FARP2: variants seen among roughly 807,000 people sequenced by gnomAD.
FARP2 encodes FERM, ARHGEF and pleckstrin domain-containing protein 2.
In FARP2, 111 loss-of-function variants were observed where a neutral mutation model predicts 130.5. The ratio of observed to expected loss-of-function variants is 0.85; its 90% CI spans 0.73 to 1.00. FARP2 has a LOEUF of 1.00. Among genes scored for constraint, FARP2 ranks in the 50% least tolerant of loss-of-function variants. The probability of loss-of-function intolerance (pLI) is 0.00; values close to 1 mark genes in which losing one functional copy is unlikely to be tolerated. For missense variants in FARP2, 1,385 were observed against 1,346.3 expected (o/e 1.03, Z -0.45); for synonymous variants, 504 against 516.9 (o/e 0.98, Z 0.34).
intron 19 of FARP2, among the ~76,000 whole-genome samples, chr2:241,483,164 C>G (rs1467946227): frequency 6.6e-6 from 1 of 152,230 alleles, no homozygotes; most frequent in Non-Finnish European, 1.5e-5. Flanking sequence ...TTCTCCTCAG[C>G]AAGAACAATA....
At chr2:241,438,148 C>A (rs2063291510) in intron 12 of FARP2, among the ~76,000 whole-genome samples, 1 of 152,180 alleles carries the variant, frequency 6.6e-6, no homozygotes, top group Admixed American at 6.5e-5. Flanking sequence ...ATAACTCTTT[C>A]TTCATGGTGC....
chr2:241,427,745 T>C (rs1056988129), intron 8 of FARP2, among the ~76,000 whole-genome samples: 3 of 152,094 alleles, frequency 2.0e-5, no homozygotes, highest in African/African-American at 7.2e-5. Context: ...CTTCATCTCT[T>C]ACCTCCGTGG....
intron 12 of FARP2, 110 bp from the exon 13 acceptor site, chr2:241,441,194 C>T: frequency 1.1e-6 from 1 of 940,590 alleles, no homozygotes; most frequent in South Asian, 1.7e-5. Context: ...TTCATGAAAG[C>T]TGTGATAGAA....
rs139228510 is a variant in FARP2, at chr2:241,428,202, G to T, written c.772-3477G>T. The stretch of plus-strand genomic sequence containing the variant: ...GAATACAATTTAGGACAGAAATTTT[G>T]AGAATGTAGTTGAAAATCCTCCAAT... On this transcript the variant is annotated intron_variant, in intron 8 of 26. Coordinates refer to ENST00000264042, the MANE Select transcript of FARP2 (RefSeq NM_014808.4). 0.012 allele frequency among the ~76,000 whole-genome samples: 1,776 copies of T among 150,714 alleles called. 125 individuals are homozygous for T. In the East Asian group the frequency reaches 0.17, roughly 14 times the overall value.
intron 4 of FARP2, chr2:241,405,403 G>A (rs2062306556): frequency 6.6e-6 from 1 of 151,984 alleles, no homozygotes. Flanking sequence ...TTAAACTAAG[G>A]CATGTAGTAG....
At chr2:241,359,890 G>T (rs1462897316) in intron 1 of FARP2, among the ~76,000 whole-genome samples, 1 of 152,172 alleles carries the variant, frequency 6.6e-6, no homozygotes, top group Non-Finnish European at 1.5e-5. Context: ...GATGACATAA[G>T]CGAAGGGCTT....
chr2:241,356,967 G>C (rs1254657797), intron 1 of FARP2, among the ~76,000 whole-genome samples: 1 of 152,274 alleles, frequency 6.6e-6, no homozygotes, highest in Non-Finnish European at 1.5e-5. Flanking sequence ...TCATAAGCCA[G>C]TGGGTAGCCT....
intron 5 of FARP2, 139 bp from the exon 6 acceptor site, chr2:241,410,894 G>A: frequency 1.6e-6 from 1 of 612,986 alleles, no homozygotes; most frequent in Non-Finnish European, 2.9e-6. Context: ...GCTGTTTCGT[G>A]ACCGCCTTGC....
At chr2:241,406,038 T>C (rs1308156693) in intron 4 of FARP2, among the ~76,000 whole-genome samples, 4 of 152,098 alleles carry the variant, frequency 2.6e-5, no homozygotes, top group African/African-American at 7.2e-5. Context: ...GCACGGTGGC[T>C]CACGCCTGTA....
At chr2:241,457,897 C>T (rs1559790809) in intron 14 of FARP2, among the ~76,000 whole-genome samples, 2 of 152,116 alleles carry the variant, frequency 1.3e-5, no homozygotes, top group Non-Finnish European at 2.9e-5. Flanking sequence ...GCTGTTGTGG[C>T]ACGGGGAGGG....
chr2:241,387,963 C>G (rs2061827171), intron 2 of FARP2, among the ~76,000 whole-genome samples: 1 of 152,032 alleles, frequency 6.6e-6, no homozygotes, highest in Non-Finnish European at 1.5e-5. Flanking sequence ...GTTCATGGAT[C>G]AGAATACTTA....
chr2:241,407,932 C>T (rs1347686720), intron 5 of FARP2, among the ~76,000 whole-genome samples: 2 of 152,178 alleles, frequency 1.3e-5, no homozygotes, highest in African/African-American at 2.4e-5. Flanking sequence ...GGATTTTGCT[C>T]ATATATACTT....
Position 241,377,813 on chromosome 2 carries a change from G to A in FARP2, c.183+4523G>A, listed in dbSNP as rs73116363. ...TTTTTATCCTTTTTGATCATCAGGTGGATTTATCAAATCTGTGGATGCCAA... is the reference window on the plus strand; with the variant it reads ...TTTTTATCCTTTTTGATCATCAGGTAGATTTATCAAATCTGTGGATGCCAA... On this transcript the variant is annotated intron_variant, in intron 2 of 26. Transcript: ENST00000264042. Among the ~76,000 whole-genome samples the A allele has an allele frequency of 1.4e-3, 215 of 151,954 alleles. 1 individual carries two copies. Among genetic ancestry groups the A allele is most frequent in the African/African-American group, 5.0e-3 (207 of 41,440 alleles).
At chr2:241,423,417 A>G (rs548835865) in intron 8 of FARP2, among the ~76,000 whole-genome samples, 1 of 152,212 alleles carries the variant, frequency 6.6e-6, no homozygotes, top group Non-Finnish European at 1.5e-5. Context: ...GTGCTTAGGG[A>G]ATTCATCACC....
rs190439289 is a variant in FARP2 at position 241,476,061 on chromosome 2, A to G, written c.2262+74A>G. On this transcript the variant is annotated intron_variant, in intron 19 of 26. Transcript: ENST00000264042. ...AATTGAGATATAATTTACATACCAC[A>G]AAAGTCACCATTTTAAAATGTATAA... 8.6e-6 allele frequency: 12 copies of G among 1,398,924 alleles called. No homozygotes were observed. In the East Asian group the frequency reaches 2.1e-4, roughly 24 times the overall value. The allele number at this position is 1,398,924 out of a possible 1,614,324, so 86.7% of individuals were successfully genotyped here. A position where few individuals can be genotyped will look rare whatever the true frequency, so the allele number is the denominator to read the frequency against.
intron 13 of FARP2, among the ~76,000 whole-genome samples, chr2:241,453,352 G>A (rs370394720): frequency 6.6e-6 from 1 of 151,538 alleles, no homozygotes; most frequent in African/African-American, 2.4e-5. Context: ...GCTGGGCGCG[G>A]TGGCTCATGC....
intron 15 of FARP2, 50 bp downstream of exon 15, chr2:241,462,662 T>C: frequency 1.7e-6 from 2 of 1,169,698 alleles, no homozygotes; most frequent in Admixed American, 1.8e-5. Context: ...AAATCTCTCA[T>C]CTGAACACAG....
rs749894538 is a variant in FARP2 at position 241,462,617 on chromosome 2, G to C, written c.1677+5G>C. The C allele has an allele frequency of 4.5e-5, 70 of 1,559,924 alleles. 1 individual carries two copies. The South Asian group carries it at 7.8e-4, about 17-fold the overall frequency. ...GATTTAGAAGTTATTACCGTGGTAC[G>C]AAAGTCCTTGATTACTTTGATTTTT... On this transcript the variant is annotated splice_donor_5th_base_variant and intron_variant, in intron 15 of 26. Coordinates refer to ENST00000264042, the MANE Select transcript of FARP2 (RefSeq NM_014808.4).
In FARP2 at chr2:241,491,142, T is replaced by C. The variant is rs773945575; in HGVS notation, c.2586T>C (p.Pro862=). The C allele has an allele frequency of 6.2e-7, 1 of 1,612,994 alleles. No individual in the cohort carries two copies. Among genetic ancestry groups the C allele is most frequent in the Non-Finnish European group, 8.5e-7 (1 of 1,179,862 alleles). Residue 862 remains proline (P), a synonymous_variant, in exon 23 of 27, where the codon CCT becomes CCC. Coordinates refer to ENST00000264042, the MANE Select transcript of FARP2 (RefSeq NM_014808.4). Reference sequence around the variant, plus strand: ...CCAAGAGTGGCGGTGACACGGCCCCTGCACTGCCAGGCCGCACTGTGTGCA... The same window carrying C: ...CCAAGAGTGGCGGTGACACGGCCCCCGCACTGCCAGGCCGCACTGTGTGCA... The part of the protein sequence containing the change: ...QAAKSGGDTA[P]ALPGRTVCTR...
Sources: allele counts gnomAD v4.1 joint callset (sites outside exome capture counted in the v4.1 genomes callset), GRCh38; gene constraint gnomAD v4.1.1; transcripts MANE v1.5; gene names NCBI Gene and HGNC (gene_info 2026-07-23, HGNC 2026-07-21).